IHO1: variants seen among roughly 807,000 people sequenced by gnomAD.
The protein encoded by IHO1 is interactor of HORMAD1 protein 1.
In IHO1, 13 loss-of-function variants were observed where a neutral mutation model predicts 31.0. The ratio of observed to expected loss-of-function variants is 0.42; its 90% CI spans 0.27 to 0.67. The LOEUF (loss-of-function observed/expected upper bound fraction) is 0.67. Among genes scored for constraint, IHO1 ranks in the 30% least tolerant of loss-of-function variants. The probability of loss-of-function intolerance (pLI) is 0.24; values close to 1 mark genes in which losing one functional copy is unlikely to be tolerated. For synonymous variants in IHO1, 221 were observed against 248.4 expected, an observed-to-expected ratio of 0.89 and a Z score of 1.04; for missense variants, 599 against 687.5, an observed-to-expected ratio of 0.87 and a Z score of 1.44.
upstream of IHO1, among the ~76,000 whole-genome samples, chr3:49,194,717 G>A (rs1026775736): frequency 1.4e-5 from 2 of 146,250 alleles, no homozygotes; most frequent in Admixed American, 6.8e-5. Context: ...GCAACATGGC[G>A]AAACCCCATC....
intron 3 of IHO1, among the ~76,000 whole-genome samples, chr3:49,239,225 G>A (rs575679035): frequency 6.6e-6 from 1 of 152,010 alleles, no homozygotes; most frequent in African/African-American, 2.4e-5. Context: ...ACCTGCATTG[G>A]CCTCCCAAAG....
chr3:49,208,462 A>C (rs2046168571), intron 1 of IHO1, among the ~76,000 whole-genome samples: 1 of 152,164 alleles, frequency 6.6e-6, no homozygotes. Context: ...ATGCCTGATG[A>C]TCTGAGGTGG....
intron 1 of IHO1, chr3:49,200,494 A>AGGAAGGAAGGAAGGAAGGAAGGAAGGAAG (rs1491541365): frequency 7.9e-6 from 6 of 762,440 alleles, no homozygotes; most frequent in Non-Finnish European, 4.7e-6. Flanking sequence ...AAAGAAAGAA[A>AGGAAGGAAGGAAGGAAGGAAGGAAGGAAG]GAAAGAAAGA....
intron 2 of IHO1, among the ~76,000 whole-genome samples, chr3:49,223,640 G>A (rs1210121700): frequency 1.3e-5 from 2 of 151,734 alleles, no homozygotes; most frequent in African/African-American, 2.4e-5. Flanking sequence ...GCAGTGAGCC[G>A]AGATCACGCC....
In IHO1 at chr3:49,256,670, A is replaced by G. The variant is rs1191788282; in HGVS notation, c.1173A>G (p.Ser391=). The change falls in exon 8 of 8, where the codon TCA becomes TCG. Residue 391 remains serine (S), a synonymous_variant. Transcript: ENST00000452691. The surrounding 1 kb of genome is among the most constrained non-coding windows in gnomAD (Gnocchi z 4.6). ...GGGACCTGGTTTCCCAAGGAGCCTCACAGCTCACATCATTGGAGATAAACT... is the reference window on the plus strand; with the variant it reads ...GGGACCTGGTTTCCCAAGGAGCCTCGCAGCTCACATCATTGGAGATAAACT... ...SDRDLVSQGA[S]QLTSLEINFS... The G allele has an allele frequency of 6.2e-7, 1 of 1,614,124 alleles. No individual in the cohort carries two copies. Among genetic ancestry groups the G allele is most frequent in the Non-Finnish European group, 8.5e-7 (1 of 1,180,048 alleles).
chr3:49,247,446 G>A (rs2046708527), intron 6 of IHO1, among the ~76,000 whole-genome samples: 1 of 151,036 alleles, frequency 6.6e-6, no homozygotes, highest in Admixed American at 6.6e-5. Context: ...TGGCCAGGCT[G>A]GTTTTGAACT....
intron 2 of IHO1, chr3:49,213,956 G>A (rs762989129): frequency 1.2e-5 from 5 of 419,940 alleles, no homozygotes; most frequent in South Asian, 8.3e-5. Context: ...AGGAAGCTCC[G>A]AGAGCAAGCG....
intron 2 of IHO1, among the ~76,000 whole-genome samples, chr3:49,231,641 T>C (rs750156273): frequency 6.6e-6 from 1 of 152,254 alleles, no homozygotes; most frequent in Non-Finnish European, 1.5e-5. Flanking sequence ...ATTTGCCCAA[T>C]TGCAAACAGC....
intron 2 of IHO1, among the ~76,000 whole-genome samples, chr3:49,230,416 A>G (rs1407588456): frequency 1.3e-5 from 2 of 152,170 alleles, no homozygotes; most frequent in African/African-American, 2.4e-5. Flanking sequence ...AAGACTGTGA[A>G]TGGTTTGCAT....
rs752766690 is a variant in IHO1, at chr3:49,256,778, T to G, written c.1281T>G (p.Ile427Met). 6.2e-7 allele frequency: 1 copy of G among 1,614,182 alleles called. No homozygotes were observed. Among genetic ancestry groups the G allele is most frequent in the Non-Finnish European group, 8.5e-7 (1 of 1,180,042 alleles). ...FLCDPREHLV[I>M]KQKDGTVEMR... ...GTGACCCACGTGAACATTTGGTGAT[T>G]AAACAGAAAGATGGGACTGTAGAAA... Residue 427 changes from isoleucine to methionine, a missense_variant, in exon 8 of 8, where the codon ATT (isoleucine) becomes ATG (methionine). By Grantham distance (10) the Ile-to-Met change is conservative. Transcript: ENST00000452691. The surrounding 1 kb of genome is among the most constrained non-coding windows in gnomAD (Gnocchi z 4.6).
intron 2 of IHO1, chr3:49,213,948 G>A (rs2107689618): frequency 2.4e-6 from 1 of 415,866 alleles, no homozygotes; most frequent in Non-Finnish European, 5.0e-6. Context: ...CAAGGCCAAG[G>A]AAGCTCCGAG....
intron 1 of IHO1, among the ~76,000 whole-genome samples, chr3:49,205,045 G>A (rs963124971): frequency 5.3e-5 from 8 of 151,558 alleles, no homozygotes; most frequent in Non-Finnish European, 2.9e-5. Flanking sequence ...AAAAAAGAAC[G>A]AAAGGAATGA....
chr3:49,201,411 C>G (rs966635539), intron 1 of IHO1, among the ~76,000 whole-genome samples: 3 of 151,848 alleles, frequency 2.0e-5, no homozygotes, highest in Non-Finnish European at 4.4e-5. Context: ...AGTTCAAGAC[C>G]CAGAAGTTCA....
At chr3:49,248,998 A>T (rs1045612499) in intron 6 of IHO1, among the ~76,000 whole-genome samples, 3 of 152,206 alleles carry the variant, frequency 2.0e-5, no homozygotes, top group African/African-American at 7.2e-5. Flanking sequence ...TGTGCTCATC[A>T]GGGAATAGGG....
chr3:49,230,626 A>G (rs953414189), intron 2 of IHO1, among the ~76,000 whole-genome samples: 1 of 152,152 alleles, frequency 6.6e-6, no homozygotes, highest in Non-Finnish European at 1.5e-5. Context: ...CTCAAGAAAT[A>G]TTGCTCCAAT....
At chr3:49,192,924 GAATA>G in the IHO1 span, among the ~76,000 whole-genome samples, 1 of 151,504 alleles carries the variant, frequency 6.6e-6, no homozygotes, top group Non-Finnish European at 1.5e-5. Flanking sequence ...ATGAATGAAT[GAATA>G]TTCACTGTAG....
chr3:49,227,372 A>G (rs1470663737), intron 2 of IHO1, among the ~76,000 whole-genome samples: 2 of 152,126 alleles, frequency 1.3e-5, no homozygotes, highest in African/African-American at 4.8e-5. Flanking sequence ...AGTGTTTCCC[A>G]TCTGAAAGAC....
chr3:49,240,563 T>C (rs2046619010), intron 3 of IHO1, among the ~76,000 whole-genome samples: 1 of 152,160 alleles, frequency 6.6e-6, no homozygotes, highest in East Asian at 1.9e-4. Flanking sequence ...TTCATCACAT[T>C]GGTCAGGTTG....
chr3:49,197,124 G>A (rs2046003137), upstream of IHO1, among the ~76,000 whole-genome samples: 2 of 148,452 alleles, frequency 1.3e-5, no homozygotes, highest in African/African-American at 2.5e-5. Context: ...GGGGCTACAG[G>A]CTCGTGCCAC....
Sources: gnomAD v4.1 joint callset for allele counts (sites outside exome capture counted in the v4.1 genomes callset) on GRCh38, gnomAD v4.1.1 for gene constraint, Gnocchi (gnomAD v3.1) non-coding constraint, MANE v1.5 for transcripts, NCBI Gene and HGNC (gene_info 2026-07-23, HGNC 2026-07-21) for gene names.